SCRIB: variants seen among roughly 807,000 people sequenced by gnomAD.
SCRIB encodes the protein scribble planar cell polarity protein, also known as protein scribble homolog.
Under a neutral mutation model 170.0 loss-of-function variants are expected in SCRIB, and 72 were observed. The ratio of observed to expected loss-of-function variants is 0.42; its 90% CI spans 0.35 to 0.52. SCRIB has a LOEUF of 0.52. SCRIB is among the 20% of genes least tolerant of loss of function. The probability of loss-of-function intolerance (pLI) is 0.02; values close to 1 mark genes in which losing one functional copy is unlikely to be tolerated. For missense variants in SCRIB, 2,475 were observed against 2,338.5 expected, an observed-to-expected ratio of 1.06 and a Z score of -1.20; for synonymous variants, 1,298 against 1,044.3, an observed-to-expected ratio of 1.24 and a Z score of -4.68.
chr8:143,793,738 C>T, intron 28 of SCRIB, 162 bp downstream of exon 28: 4 of 651,820 alleles, frequency 6.1e-6, no homozygotes, highest in Non-Finnish European at 7.8e-6. Flanking sequence ...CCTGGCCTTC[C>T]TCACACAGGA....
At chr8:143,814,342 C>T (rs184897358) in intron 1 of SCRIB, among the ~76,000 whole-genome samples, 1 of 152,022 alleles carries the variant, frequency 6.6e-6, no homozygotes, top group African/African-American at 2.4e-5. Context: ...TCACACCAGC[C>T]TCCACTCTGA....
chr8:143,801,151 G>A (rs1693201155), intron 24 of SCRIB, among the ~76,000 whole-genome samples: 2 of 152,236 alleles, frequency 1.3e-5, no homozygotes, highest in Admixed American at 1.3e-4. Flanking sequence ...AACACAATGA[G>A]GCCACATTTC....
chr8:143,792,237 C>T lies in SCRIB; in HGVS notation c.4497G>A (p.Ala1499=), dbSNP rs782280847. Residue 1499 remains alanine (A), a synonymous_variant, in exon 32 of 37, where the codon GCG becomes GCA. Coordinates refer to ENST00000356994, the MANE Select transcript of SCRIB (RefSeq NM_182706.5). Reference sequence around the variant, plus strand: ...GGGCTCACCTGGCTGCCCTCCACAGCGCACGCTTCTCGGCCTCCAGGGCCC... The same window carrying T: ...GGGCTCACCTGGCTGCCCTCCACAGTGCACGCTTCTCGGCCTCCAGGGCCC... ...ELRALEAEKR[A]LWRAARMKSL... 7 of 1,570,398 alleles carry T rather than the reference C, an allele frequency of 4.5e-6. No homozygotes were observed. In the Admixed American group the frequency reaches 5.3e-5, roughly 12 times the overall value.
chr8:143,800,988 G>A (rs1815151424), intron 24 of SCRIB, among the ~76,000 whole-genome samples: 1 of 152,276 alleles, frequency 6.6e-6, no homozygotes, highest in South Asian at 2.1e-4. Context: ...AACTTTTCAA[G>A]ACAAGAAAAA....
intron 18 of SCRIB, among the ~76,000 whole-genome samples, chr8:143,805,781 G>A (rs1233016874): frequency 1.3e-5 from 2 of 152,156 alleles, no homozygotes; most frequent in African/African-American, 4.8e-5. Context: ...AGGTCGCTGG[G>A]TTACTGACCC....
Position 143,813,346 on chromosome 8 carries a change from G to A in SCRIB, c.532C>T (p.Gln178Ter). 1 of 1,613,624 alleles carries A rather than the reference G, an allele frequency of 6.2e-7. No individual in the cohort carries two copies. The highest frequency in any genetic ancestry group is 8.5e-7 in the Non-Finnish European group (1 of 1,180,036). Residue 178 changes from glutamine to a stop codon, truncating the protein, a stop_gained, in exon 6 of 37, where the codon CAG becomes TAG. Transcript: ENST00000356994. LOFTEE classifies it high-confidence loss of function. The stretch of plus-strand genomic sequence containing the variant: ...AGATCGTTGCCTCCCAGATCCAGCT[G>A]TTCCAGCTTGACCAGAAATGACAGG... ...ASLSFLVKLE[Q>*]LDLGGNDLEV...
At chr8:143,810,430 A>T in intron 13 of SCRIB, 49 bp downstream of exon 13, 7 of 1,591,262 alleles carry the variant, frequency 4.4e-6, no homozygotes, top group Non-Finnish European at 6.0e-6. Context: ...CCGGACCACC[A>T]CAGCTCCCGG....
rs1043837751 is a variant in SCRIB at position 143,812,977 on chromosome 8, G to GA, written c.643-17dup. The GA allele has an allele frequency of 2.5e-6, 4 of 1,612,280 alleles. No individual in the cohort carries two copies. In the African/African-American group the frequency reaches 4.0e-5, roughly 16 times the overall value. ...TCCCGAGCTCCTGCAGGTGGGCAGA[G>GA]AGTCAGAGCGCGGATGGGCACGAAG... On this transcript the variant is annotated splice_polypyrimidine_tract_variant and intron_variant, in intron 7 of 36. Transcript: ENST00000356994.
intron 16 of SCRIB, 76 bp from the exon 17 acceptor site, chr8:143,807,089 G>T: frequency 9.8e-7 from 1 of 1,016,504 alleles, no homozygotes; most frequent in Non-Finnish European, 1.5e-6. Flanking sequence ...GACCCCACCA[G>T]CACGCAGATG....
At chr8:143,793,989 G>A (rs7460093) in intron 27 of SCRIB, 27 bp from the exon 28 acceptor site, 747,663 of 1,607,842 alleles carry the variant, frequency 0.47, 188,275 homozygotes, top group Non-Finnish European at 0.53. Flanking sequence ...TGGGTGGGGT[G>A]AGGATGGGCA....
At chr8:143,800,036 C>T (rs192446661) in intron 24 of SCRIB, among the ~76,000 whole-genome samples, 9 of 124,628 alleles carry the variant, frequency 7.2e-5, no homozygotes, top group South Asian at 3.4e-4. Context: ...AAGCCCCCCC[C>T]CCACCCCACC....
At chr8:143,793,438 A>T in intron 28 of SCRIB, 1 of 305,460 alleles carries the variant, frequency 3.3e-6, no homozygotes, top group African/African-American at 2.1e-5. Context: ...AGAGACAGAG[A>T]GAGAGAGACC....
chr8:143,791,252 CG>C lies in SCRIB; in HGVS notation c.4878del (p.Gly1627AlafsTer17). ...VALVLLGRPS[P>X]GAVGPEDVAL... Reference sequence around the variant, plus strand: ...GCCACATCTTCAGGGCCCACAGCGCCGGGTGAGGGCCTGCCCAGAAGCACCA... The same window carrying C: ...GCCACATCTTCAGGGCCCACAGCGCCGGTGAGGGCCTGCCCAGAAGCACCA... On this transcript the variant is annotated frameshift_variant, in exon 37 of 37. Coordinates refer to ENST00000356994, the MANE Select transcript of SCRIB (RefSeq NM_182706.5). LOFTEE classifies it high-confidence loss of function. 6.6e-7 allele frequency: 1 copy of C among 1,505,660 alleles called. No homozygotes were observed. The highest frequency in any genetic ancestry group is 8.9e-7 in the Non-Finnish European group (1 of 1,127,138). 93.3% of individuals were successfully genotyped at this position (1,505,660 alleles called of 1,614,324 possible).
intron 24 of SCRIB, among the ~76,000 whole-genome samples, chr8:143,802,778 A>C (rs1176535476): frequency 6.6e-6 from 1 of 151,918 alleles, no homozygotes; most frequent in Non-Finnish European, 1.5e-5. Context: ...GGTGGGGAGG[A>C]CTCCTGGGGC....
intron 24 of SCRIB, among the ~76,000 whole-genome samples, chr8:143,803,008 T>C (rs1554635261): frequency 6.6e-6 from 1 of 152,194 alleles, no homozygotes; most frequent in Non-Finnish European, 1.5e-5. Context: ...GCCTGGCTGG[T>C]GGGCTTTGGG....
chr8:143,809,089 A>G, intron 14 of SCRIB, 64 bp from the exon 15 acceptor site: 2 of 1,540,202 alleles, frequency 1.3e-6, no homozygotes, highest in South Asian at 2.5e-5. Flanking sequence ...GGAAGACCCT[A>G]CTAAACAGTG....
intron 17 of SCRIB, among the ~76,000 whole-genome samples, 186 bp from the exon 18 acceptor site, chr8:143,806,670 G>A (rs1036385864): frequency 2.6e-5 from 4 of 152,240 alleles, no homozygotes; most frequent in East Asian, 1.9e-4. Flanking sequence ...CGTCAGCCCC[G>A]AGAAAGGGCT....
chr8:143,815,232 C>T lies in SCRIB; in HGVS notation c.141G>A (p.Gln47=). The change falls in exon 1 of 37, where the codon CAG becomes CAA. Residue 47 remains glutamine, a synonymous_variant. Coordinates refer to ENST00000356994, the MANE Select transcript of SCRIB (RefSeq NM_182706.5). The stretch of plus-strand genomic sequence containing the variant: ...CGCTCACCTTGGGCAGCTCGCGCAG[C>T]TGGTTGGCGTCGAGCAGCAGCTCCT... ...SLEELLLDAN[Q]LRELPKPFFR... is the part of the protein sequence containing the mutation. The T allele has an allele frequency of 6.3e-7, 1 of 1,591,090 alleles. No individual in the cohort carries two copies.
Position 143,793,825 on chromosome 8 carries a change from G to C in SCRIB, c.3909+75C>G, listed in dbSNP as rs1477267265. The C allele has an allele frequency of 2.7e-6, 4 of 1,454,654 alleles. No homozygotes were observed. In the Admixed American group the frequency reaches 6.8e-5, roughly 25 times the overall value. 90.1% of individuals were successfully genotyped at this position (1,454,654 alleles called of 1,614,324 possible). On this transcript the variant is annotated intron_variant, in intron 28 of 36. Transcript: ENST00000356994. Reference sequence around the variant, plus strand: ...CCCTGACCCCCCATCCCTGGAGGAGGGGCCCTGTGCACAGCGGCCATCTGC... The same window carrying C: ...CCCTGACCCCCCATCCCTGGAGGAGCGGCCCTGTGCACAGCGGCCATCTGC...
Sources: allele counts gnomAD v4.1 joint callset (sites outside exome capture counted in the v4.1 genomes callset), GRCh38; gene constraint gnomAD v4.1.1; transcripts MANE v1.5; gene names NCBI Gene and HGNC (gene_info 2026-07-23, HGNC 2026-07-21).